ADO: variants seen among roughly 807,000 people sequenced by gnomAD.
ADO encodes the protein 2-aminoethanethiol dioxygenase.
In ADO, 9 loss-of-function variants were observed where a neutral mutation model predicts 16.6. The ratio of observed to expected loss-of-function variants is 0.54; its 90% CI spans 0.33 to 0.95. ADO has a LOEUF of 0.95. Ranked by LOEUF, ADO falls within the 40% of genes least tolerant of loss-of-function variation. The pLI is 0.03. For synonymous variants in ADO, 189 were observed against 179.6 expected (o/e 1.05, Z -0.42); for missense variants, 356 against 386.4 (o/e 0.92, Z 0.66).
chr10:62,805,168 T>G lies in ADO; in HGVS notation c.109T>G (p.Ser37Ala), dbSNP rs774993525. ...CGGCGCTTCCGATCGCGACGCGGCT[T>G]CTGGCCCGGAGGCGCCGATGCAGCC... ...GRGASDRDAASGPEAPMQPGF... is the reference protein window; with the variant it reads ...GRGASDRDAAAGPEAPMQPGF... Residue 37 changes from serine to alanine, a missense_variant, in exon 1 of 1, where the codon TCT becomes GCT. Transcript: ENST00000373783. The surrounding 1 kb of genome is among the most constrained non-coding windows in gnomAD (Gnocchi z 6.4). The G allele has an allele frequency of 4.4e-6, 7 of 1,596,682 alleles. No homozygotes were observed. Among genetic ancestry groups the G allele is most frequent in the Non-Finnish European group, 6.0e-6 (7 of 1,175,256 alleles).
In ADO at chr10:62,806,996, C is replaced by G. The variant is rs1285631068; in HGVS notation, c.*1124C>G. 2 of 167,242 alleles carry G rather than the reference C, an allele frequency of 1.2e-5. No individual in the cohort carries two copies. Among genetic ancestry groups the G allele is most frequent in the Non-Finnish European group, 2.9e-5 (2 of 68,134 alleles). The allele number at this position is 167,242 out of a possible 1,614,324, so 10.4% of individuals were successfully genotyped here. ...TAAAATGACTGAGCCCTGGGTTCAT[C>G]TAATGTGGTTTTCCTTAGGAAGAGA... On this transcript the variant is annotated 3_prime_UTR_variant, in exon 1 of 1. Transcript: ENST00000373783.
rs1047282940 is a variant in ADO, at chr10:62,805,706, A to G, written c.647A>G (p.Asp216Gly). The G allele has an allele frequency of 3.7e-6, 6 of 1,610,964 alleles. No homozygotes were observed. Among genetic ancestry groups the G allele is most frequent in the Non-Finnish European group, 5.1e-6 (6 of 1,179,284 alleles). The change falls in exon 1 of 1, where the codon GAT (aspartate) becomes GGT (glycine). Residue 216 changes from aspartate to glycine, a missense_variant. Physicochemically the swap from Asp to Gly is moderately conservative, Grantham distance 94 (BLOSUM62 -1). Coordinates refer to ENST00000373783, the MANE Select transcript of ADO (RefSeq NM_032804.6). This position sits in a 1 kb window ranked among gnomAD's most constrained non-coding sequence, Gnocchi z 6.4. ...DILAPPYDPDDGRDCHYYRVL... is the reference protein window; with the variant it reads ...DILAPPYDPDGGRDCHYYRVL... ...CTGGCCCCGCCCTACGACCCGGACG[A>G]TGGCCGGGACTGCCACTATTACCGG... is the stretch of plus-strand genomic sequence containing the variant.
In ADO at chr10:62,804,776, G is replaced by A; in HGVS notation, c.-284G>A. On this transcript the variant is annotated 5_prime_UTR_variant, in exon 1 of 1. Coordinates refer to ENST00000373783, the MANE Select transcript of ADO (RefSeq NM_032804.6). Reference sequence around the variant, plus strand: ...GCATGAATGGAGCGCCGGGCGTAAGGCAAAGCCTGGCACCGTCTGCGCGGC... The same window carrying A: ...GCATGAATGGAGCGCCGGGCGTAAGACAAAGCCTGGCACCGTCTGCGCGGC... 1 of 231,828 alleles carries A rather than the reference G, an allele frequency of 4.3e-6. No individual in the cohort carries two copies. Among genetic ancestry groups the A allele is most frequent in the Non-Finnish European group, 8.3e-6 (1 of 121,138 alleles). 14.4% of individuals were successfully genotyped at this position (231,828 alleles called of 1,614,324 possible).
In ADO at chr10:62,805,127, G is replaced by A. The variant is rs767725515; in HGVS notation, c.68G>A (p.Gly23Asp). Reference sequence around the variant, plus strand: ...CGCCAGGCTTGCCTCACCTTCCGGGGCAGCGGGGGCGGCCGCGGCGCTTCC... The same window carrying A: ...CGCCAGGCTTGCCTCACCTTCCGGGACAGCGGGGGCGGCCGCGGCGCTTCC... ...IARQACLTFR[G>D]SGGGRGASDR... Residue 23 changes from glycine to aspartate, a missense_variant, in exon 1 of 1, where the codon GGC (glycine) becomes GAC (aspartate). Coordinates refer to ENST00000373783, the MANE Select transcript of ADO (RefSeq NM_032804.6). This position sits in a 1 kb window ranked among gnomAD's most constrained non-coding sequence, Gnocchi z 6.4. 3.2e-6 allele frequency: 5 copies of A among 1,559,630 alleles called. No homozygotes were observed. In the South Asian group the frequency reaches 3.6e-5, roughly 11 times the overall value.
rs1842070045 is a variant in ADO, at chr10:62,808,022, A to G, written c.*2150A>G. On this transcript the variant is annotated 3_prime_UTR_variant, in exon 1 of 1. Transcript: ENST00000373783. ...GAATTATGACTTCATTATGAAAAAA[A>G]GAAGTTTTAAAGTTTTCAATTACGA... 2 of 167,130 alleles carry G rather than the reference A, an allele frequency of 1.2e-5. No homozygotes were observed. Among genetic ancestry groups the G allele is most frequent in the African/African-American group, 4.8e-5 (2 of 41,462 alleles). 10.4% of individuals were successfully genotyped at this position (167,130 alleles called of 1,614,324 possible).
rs1046271546 is a variant in ADO, at chr10:62,804,996, C to T, written c.-64C>T. 11 of 1,350,580 alleles carry T rather than the reference C, an allele frequency of 8.1e-6. No homozygotes were observed. The South Asian group carries it at 1.4e-4, about 18-fold the overall frequency. The allele number at this position is 1,350,580 out of a possible 1,614,324, so 83.7% of individuals were successfully genotyped here. ...GGCTGGGGGCAGCCGTGGCGGCCGC[C>T]GGGGACCGCAAGGGGCGGAGGAAAG... On this transcript the variant is annotated 5_prime_UTR_variant, in exon 1 of 1. Coordinates refer to ENST00000373783, the MANE Select transcript of ADO (RefSeq NM_032804.6).
chr10:62,805,863 C>G lies in ADO; in HGVS notation c.804C>G (p.Val268=), dbSNP rs1388426959. 6.6e-7 allele frequency: 1 copy of G among 1,508,844 alleles called. No individual in the cohort carries two copies. The highest frequency in any genetic ancestry group is 8.9e-7 in the Non-Finnish European group (1 of 1,125,268). 93.5% of individuals were successfully genotyped at this position (1,508,844 alleles called of 1,614,324 possible). The change falls in exon 1 of 1, where the codon GTC becomes GTG. Residue 268 remains valine, a synonymous_variant. Coordinates refer to ENST00000373783, the MANE Select transcript of ADO (RefSeq NM_032804.6). This position sits in a 1 kb window ranked among gnomAD's most constrained non-coding sequence, Gnocchi z 6.4. ...GAGAACCCTATCCAGGTCCCAAGGT[C>G]TTCCCTTGAAGCCACTGGCGCCCAG... ...CEGEPYPGPK[V]FP
In ADO at chr10:62,805,072, A is replaced by C; in HGVS notation, c.13A>C (p.Asn5His). Residue 5 changes from asparagine (N) to histidine (H), a missense_variant, in exon 1 of 1, where the codon AAC (asparagine) becomes CAC (histidine). Physicochemically the swap from Asn to His is moderately conservative, Grantham distance 68. Transcript: ENST00000373783. The surrounding 1 kb of genome is among the most constrained non-coding windows in gnomAD (Gnocchi z 6.4). ...GGAGCAGCCGACCATGCCCCGAGAC[A>C]ACATGGCCTCCTTGATCCAACGGAT... Reference protein sequence around the residue: MPRDNMASLIQRIAR... With the variant: MPRDHMASLIQRIAR... 6.6e-7 allele frequency: 1 copy of C among 1,507,984 alleles called. No individual in the cohort carries two copies. The highest frequency in any genetic ancestry group is 8.8e-7 in the Non-Finnish European group (1 of 1,133,084). 93.4% of individuals were successfully genotyped at this position (1,507,984 alleles called of 1,614,324 possible).
chr10:62,806,850 A>C lies in ADO; in HGVS notation c.*978A>C, dbSNP rs1842058468. The C allele has an allele frequency of 6.0e-6, 1 of 167,186 alleles. No homozygotes were observed. 10.4% of individuals were successfully genotyped at this position (167,186 alleles called of 1,614,324 possible). On this transcript the variant is annotated 3_prime_UTR_variant, in exon 1 of 1. Coordinates refer to ENST00000373783, the MANE Select transcript of ADO (RefSeq NM_032804.6). ...TATATTTATTTACTTCCAATATTTT[A>C]CTGTAAAAGTAGGGAGAAATATTAT...
Position 62,806,745 on chromosome 10 carries a change from G to A in ADO, c.*873G>A, listed in dbSNP as rs1842057588. 1.2e-5 allele frequency: 2 copies of A among 167,080 alleles called. No homozygotes were observed. The highest frequency in any genetic ancestry group is 2.9e-5 in the Non-Finnish European group (2 of 68,108). 10.3% of individuals were successfully genotyped at this position (167,080 alleles called of 1,614,324 possible). A position where few individuals can be genotyped will look rare whatever the true frequency, so the allele number is the denominator to read the frequency against. On this transcript the variant is annotated 3_prime_UTR_variant, in exon 1 of 1. Coordinates refer to ENST00000373783, the MANE Select transcript of ADO (RefSeq NM_032804.6). ...ATAGAGTAATTCTGTATTTTCTAACGGGAAGATTCAAAGGAGCTGAATGTG... is the reference window on the plus strand; with the variant it reads ...ATAGAGTAATTCTGTATTTTCTAACAGGAAGATTCAAAGGAGCTGAATGTG...
rs145126961 is a variant in ADO at position 62,805,362 on chromosome 10, C to T, written c.303C>T (p.Phe101=). 6.9e-6 allele frequency: 11 copies of T among 1,601,304 alleles called. No individual in the cohort carries two copies. Among genetic ancestry groups the T allele is most frequent in the African/African-American group, 1.3e-5 (1 of 74,786 alleles). ...CGGACGGCTTCAGCCTGGGCGTGTT[C>T]CTGCTCAAGAGCGGCACGTCCATCC... ...YETDGFSLGV[F]LLKSGTSIPL... is the part of the protein sequence containing the mutation. Residue 101 remains phenylalanine, a synonymous_variant, in exon 1 of 1, where the codon TTC becomes TTT. Transcript: ENST00000373783. The surrounding 1 kb of genome is among the most constrained non-coding windows in gnomAD (Gnocchi z 6.4).
In ADO at chr10:62,807,444, A is replaced by G. The variant is rs1246658616; in HGVS notation, c.*1572A>G. The stretch of plus-strand genomic sequence containing the variant: ...ATTATTAGTGGAATGTTGACCCCGT[A>G]TGTAGAGAAACAGTACGTGCCTTTG... On this transcript the variant is annotated 3_prime_UTR_variant, in exon 1 of 1. Transcript: ENST00000373783. 1.8e-5 allele frequency: 3 copies of G among 167,232 alleles called. No individual in the cohort carries two copies. Among genetic ancestry groups the G allele is most frequent in the African/African-American group, 7.2e-5 (3 of 41,472 alleles). 10.4% of individuals were successfully genotyped at this position (167,232 alleles called of 1,614,324 possible).
In ADO at chr10:62,805,396, G is replaced by T. The variant is rs145507280; in HGVS notation, c.337G>T (p.Asp113Tyr). The T allele has an allele frequency of 3.1e-6, 5 of 1,589,774 alleles. No individual in the cohort carries two copies. Among genetic ancestry groups the T allele is most frequent in the Non-Finnish European group, 4.3e-6 (5 of 1,171,650 alleles). Reference sequence around the variant, plus strand: ...GAGCGGCACGTCCATCCCGCTGCACGACCACCCGGGCATGCACGGCATGCT... The same window carrying T: ...GAGCGGCACGTCCATCCCGCTGCACTACCACCCGGGCATGCACGGCATGCT... ...LKSGTSIPLH[D>Y]HPGMHGMLKV... The change falls in exon 1 of 1, where the codon GAC (aspartate) becomes TAC (tyrosine). Residue 113 changes from aspartate (D) to tyrosine (Y), a missense_variant. Physicochemically the swap from Asp to Tyr is radical, Grantham distance 160. Transcript: ENST00000373783. The surrounding 1 kb of genome is among the most constrained non-coding windows in gnomAD (Gnocchi z 6.4).
rs539015716 is a variant in ADO at position 62,807,884 on chromosome 10, C to G, written c.*2012C>G. On this transcript the variant is annotated 3_prime_UTR_variant, in exon 1 of 1. Transcript: ENST00000373783. The stretch of plus-strand genomic sequence containing the variant: ...CATACTTTTTTGGATTATATTGTAG[C>G]AAAAAGTTGATTAGCTTACCAAGAT... The G allele has an allele frequency of 1.2e-5, 2 of 166,682 alleles. No individual in the cohort carries two copies. Among genetic ancestry groups the G allele is most frequent in the Non-Finnish European group, 2.9e-5 (2 of 68,038 alleles). The allele number at this position is 166,682 out of a possible 1,614,324, so 10.3% of individuals were successfully genotyped here.
chr10:62,804,888 T>C lies in ADO; in HGVS notation c.-172T>C, dbSNP rs1407355328. 4 of 478,490 alleles carry C rather than the reference T, an allele frequency of 8.4e-6. No homozygotes were observed. The highest frequency in any genetic ancestry group is 1.3e-5 in the Non-Finnish European group (4 of 316,136). The allele number at this position is 478,490 out of a possible 1,614,324, so 29.6% of individuals were successfully genotyped here. A position where few individuals can be genotyped will look rare whatever the true frequency, so the allele number is the denominator to read the frequency against. On this transcript the variant is annotated 5_prime_UTR_variant, in exon 1 of 1. Coordinates refer to ENST00000373783, the MANE Select transcript of ADO (RefSeq NM_032804.6). Reference sequence around the variant, plus strand: ...GGCTCAAGGCGAGCGCGCCGGGCAGTTGCGGGCGCGTGGCTGCTGAGGTTG... The same window carrying C: ...GGCTCAAGGCGAGCGCGCCGGGCAGCTGCGGGCGCGTGGCTGCTGAGGTTG...
rs1842061857 is a variant in ADO, at chr10:62,807,172, G to A, written c.*1300G>A. ...GCTATCTGTGACTAGTTTTATTTTTGTGCTTTTAATAGTCCGAGCAGTCTT... is the reference window on the plus strand; with the variant it reads ...GCTATCTGTGACTAGTTTTATTTTTATGCTTTTAATAGTCCGAGCAGTCTT... On this transcript the variant is annotated 3_prime_UTR_variant, in exon 1 of 1. Transcript: ENST00000373783. The A allele has an allele frequency of 6.0e-6, 1 of 167,150 alleles. No individual in the cohort carries two copies. The highest frequency in any genetic ancestry group is 1.5e-5 in the Non-Finnish European group (1 of 68,106). 10.4% of individuals were successfully genotyped at this position (167,150 alleles called of 1,614,324 possible). A position where few individuals can be genotyped will look rare whatever the true frequency, so the allele number is the denominator to read the frequency against.
rs1401825410 is a variant in ADO at position 62,805,245 on chromosome 10, C to T, written c.186C>T (p.Arg62=). The change falls in exon 1 of 1, where the codon CGC becomes CGT. Residue 62 remains arginine, a synonymous_variant. Transcript: ENST00000373783. This position sits in a 1 kb window ranked among gnomAD's most constrained non-coding sequence, Gnocchi z 6.4. The part of the protein sequence containing the change: ...SKLKSLLTQL[R]AEDLNIAPRK... ...TGAAGAGCCTCCTGACCCAGCTCCG[C>T]GCCGAGGACTTGAACATCGCCCCGC... 1.2e-6 allele frequency: 2 copies of T among 1,603,800 alleles called. No homozygotes were observed. The highest frequency in any genetic ancestry group is 2.2e-5 in the South Asian group (2 of 90,336).
rs1210952178 is a variant in ADO at position 62,806,315 on chromosome 10, C to T, written c.*443C>T. ...TTTTAACTTATTGACTGTGCATGAC[C>T]CAGTGGTTTGAATTGTTTTTAGTTC... On this transcript the variant is annotated 3_prime_UTR_variant, in exon 1 of 1. Coordinates refer to ENST00000373783, the MANE Select transcript of ADO (RefSeq NM_032804.6). 5.9e-6 allele frequency: 1 copy of T among 169,334 alleles called. No homozygotes were observed. The highest frequency in any genetic ancestry group is 1.4e-5 in the Non-Finnish European group (1 of 69,788). 10.5% of individuals were successfully genotyped at this position (169,334 alleles called of 1,614,324 possible).
In ADO at chr10:62,807,381, A is replaced by G. The variant is rs1399715182; in HGVS notation, c.*1509A>G. 1 of 167,194 alleles carries G rather than the reference A, an allele frequency of 6.0e-6. No individual in the cohort carries two copies. The highest frequency in any genetic ancestry group is 6.5e-5 in the Admixed American group (1 of 15,294). The allele number at this position is 167,194 out of a possible 1,614,324, so 10.4% of individuals were successfully genotyped here. A position where few individuals can be genotyped will look rare whatever the true frequency, so the allele number is the denominator to read the frequency against. ...CTCTTGATTGACTTGCCCAAGTGGC[A>G]ATAGAGTTCTAATATCTATAATAAA... On this transcript the variant is annotated 3_prime_UTR_variant, in exon 1 of 1. Coordinates refer to ENST00000373783, the MANE Select transcript of ADO (RefSeq NM_032804.6).
Sources: allele counts gnomAD v4.1 joint callset, GRCh38; gene constraint gnomAD v4.1.1; non-coding constraint Gnocchi (gnomAD v3.1); transcripts MANE v1.5; gene names NCBI Gene and HGNC (gene_info 2026-07-23, HGNC 2026-07-21).